PDE4B: variants seen among roughly 807,000 people sequenced by gnomAD.
PDE4B encodes 3',5'-cyclic-AMP phosphodiesterase 4B.
PDE4B carries 20 observed loss-of-function variants against 82.2 expected under a neutral mutation model. The ratio of observed to expected loss-of-function variants is 0.24; its 90% CI spans 0.17 to 0.35. The LOEUF (loss-of-function observed/expected upper bound fraction) is 0.35, where lower values mean the gene tolerates loss of function less well. PDE4B is among the 10% of genes least tolerant of loss of function. The pLI is 1.00. For missense variants in PDE4B, 655 were observed against 907.2 expected, an observed-to-expected ratio of 0.72 and a Z score of 3.57; for synonymous variants, 320 against 318.9, an observed-to-expected ratio of 1.00 and a Z score of -0.04.
intron 7 of PDE4B, among the ~76,000 whole-genome samples, chr1:66,269,708 T>C (rs1353873089): frequency 6.6e-6 from 1 of 152,210 alleles, no homozygotes. Flanking sequence ...TCCTATCCTT[T>C]GCTCTTCAAT....
At chr1:66,251,469 A>G (rs1570558765) in intron 4 of PDE4B, among the ~76,000 whole-genome samples, 1 of 152,172 alleles carries the variant, frequency 6.6e-6, no homozygotes, top group African/African-American at 2.4e-5. Context: ...GGAGGATCAT[A>G]TTCATTCTCT....
intron 3 of PDE4B, among the ~76,000 whole-genome samples, chr1:66,107,127 G>C (rs1645380132): frequency 6.7e-6 from 1 of 150,318 alleles, no homozygotes; most frequent in Non-Finnish European, 1.5e-5. Flanking sequence ...CAGAGATTCT[G>C]GTATGTTGTG....
At chr1:66,253,401 T>C (rs370712576) in intron 4 of PDE4B, among the ~76,000 whole-genome samples, 1 of 152,226 alleles carries the variant, frequency 6.6e-6, no homozygotes, top group Non-Finnish European at 1.5e-5. Flanking sequence ...ATCATTTTAT[T>C]GTTTAGAGCA....
intron 3 of PDE4B, among the ~76,000 whole-genome samples, chr1:66,023,682 C>T (rs1332734609): frequency 6.6e-6 from 1 of 152,044 alleles, no homozygotes; most frequent in East Asian, 1.9e-4. Context: ...TTTAATTAGC[C>T]TATAATCCAC....
intron 7 of PDE4B, among the ~76,000 whole-genome samples, chr1:66,289,519 G>A (rs1006096761): frequency 2.0e-5 from 3 of 151,940 alleles, no homozygotes; most frequent in African/African-American, 7.2e-5. Context: ...TCTTGAGAAA[G>A]GTATATTTGA....
chr1:65,834,402 C>T (rs1221896398), intron 1 of PDE4B, among the ~76,000 whole-genome samples: 1 of 152,162 alleles, frequency 6.6e-6, no homozygotes, highest in Non-Finnish European at 1.5e-5. Flanking sequence ...GTGTAAAGCA[C>T]TTAGTATGGG....
intron 7 of PDE4B, among the ~76,000 whole-genome samples, chr1:66,275,343 C>T (rs1181948922): frequency 2.0e-5 from 3 of 152,116 alleles, no homozygotes; most frequent in East Asian, 1.9e-4. Context: ...CAGGGAGTAG[C>T]GCTAGGAGCT....
At chr1:66,040,754 G>T (rs1654322522) in intron 3 of PDE4B, among the ~76,000 whole-genome samples, 1 of 151,958 alleles carries the variant, frequency 6.6e-6, no homozygotes, top group South Asian at 2.1e-4. Context: ...GAGAGTAAAG[G>T]TTAAGAAAGT....
At chr1:65,949,775 C>T (rs1557452842) in intron 3 of PDE4B, among the ~76,000 whole-genome samples, 3 of 151,026 alleles carry the variant, frequency 2.0e-5, no homozygotes, top group South Asian at 4.2e-4. Context: ...TAACTTCAAA[C>T]GTGTGTGTGT....
chr1:66,077,684 A>G (rs991550970), intron 3 of PDE4B, among the ~76,000 whole-genome samples: 8 of 152,136 alleles, frequency 5.3e-5, no homozygotes, highest in Non-Finnish European at 1.5e-5. Context: ...GGACAGTGCC[A>G]GGTACTTCTG....
At chr1:66,166,869 G>T (rs551406428) in intron 3 of PDE4B, among the ~76,000 whole-genome samples, 1 of 152,048 alleles carries the variant, frequency 6.6e-6, no homozygotes, top group African/African-American at 2.4e-5. Context: ...GCCACAGACC[G>T]TAACTAACAA....
chr1:66,151,027 T>G (rs1646382298), intron 3 of PDE4B, among the ~76,000 whole-genome samples: 1 of 152,228 alleles, frequency 6.6e-6, no homozygotes, highest in Non-Finnish European at 1.5e-5. Context: ...GATTTTACTA[T>G]CAAAGTAGTA....
intron 3 of PDE4B, among the ~76,000 whole-genome samples, chr1:66,009,232 A>G (rs146836765): frequency 2.4e-3 from 369 of 152,272 alleles, no homozygotes; most frequent in Middle Eastern, 6.8e-3. Context: ...CCCATTTCAA[A>G]TGCATCAGCA....
chr1:66,086,250 G>A (rs929651813), intron 3 of PDE4B, among the ~76,000 whole-genome samples: 4 of 152,168 alleles, frequency 2.6e-5, no homozygotes, highest in Non-Finnish European at 5.9e-5. Flanking sequence ...ATATGTGAGT[G>A]TAAGATGCCA....
intron 1 of PDE4B, among the ~76,000 whole-genome samples, chr1:65,856,383 C>G (rs1309332514): frequency 1.3e-5 from 2 of 152,096 alleles, no homozygotes; most frequent in Non-Finnish European, 2.9e-5. Context: ...CTCCCTATGT[C>G]CATGTGTTCT....
chr1:65,878,909 A>G (rs1345860863), intron 1 of PDE4B, among the ~76,000 whole-genome samples: 1 of 152,192 alleles, frequency 6.6e-6, no homozygotes, highest in Admixed American at 6.5e-5. Flanking sequence ...AAAAAAAATT[A>G]TAAAGACAAT....
intron 4 of PDE4B, among the ~76,000 whole-genome samples, chr1:66,254,911 A>G (rs368015250): frequency 2.0e-5 from 3 of 151,866 alleles, no homozygotes; most frequent in South Asian, 2.1e-4. Context: ...CTATCCCTCC[A>G]CATCCAAGGC....
chr1:65,861,664 T>C (rs1020476635), intron 1 of PDE4B, among the ~76,000 whole-genome samples: 1 of 152,218 alleles, frequency 6.6e-6, no homozygotes, highest in Non-Finnish European at 1.5e-5. Context: ...ATGATATTGA[T>C]TTTTCCTATC....
chr1:66,370,499 G>T (rs1226964512), intron 16 of PDE4B, among the ~76,000 whole-genome samples: 2 of 152,132 alleles, frequency 1.3e-5, no homozygotes, highest in Non-Finnish European at 2.9e-5. Flanking sequence ...CTCATCCAAA[G>T]CTCTTCACTC....
Sources: allele counts gnomAD v4.1 joint callset (sites outside exome capture counted in the v4.1 genomes callset), GRCh38; gene constraint gnomAD v4.1.1; transcripts MANE v1.5; gene names NCBI Gene and HGNC (gene_info 2026-07-23, HGNC 2026-07-21).